WWOX: variants seen among roughly 807,000 people sequenced by gnomAD.
WWOX encodes the protein WW domain-containing oxidoreductase.
WWOX carries 69 observed loss-of-function variants against 46.2 expected under a neutral mutation model. The ratio of observed to expected loss-of-function variants is 1.49; its 90% CI spans 1.23 to 1.82. The LOEUF is 1.82. Ranked by LOEUF, WWOX falls within the 40% of genes most tolerant of loss-of-function variation. WWOX has a pLI of 0.00. For missense variants in WWOX, 919 were observed against 542.6 expected, an observed-to-expected ratio of 1.69 and a Z score of -6.89; for synonymous variants, 359 against 202.6, an observed-to-expected ratio of 1.77 and a Z score of -6.56.
chr16:78,310,197 T>G (rs1033667804), intron 5 of WWOX, among the ~76,000 whole-genome samples: 3 of 152,160 alleles, frequency 2.0e-5, no homozygotes, highest in Non-Finnish European at 4.4e-5. Flanking sequence ...GAACATTTAT[T>G]GTGTTTCCTT....
At chr16:78,714,158 C>G (rs913267776) in intron 8 of WWOX, among the ~76,000 whole-genome samples, 2 of 152,172 alleles carry the variant, frequency 1.3e-5, no homozygotes, top group Non-Finnish European at 2.9e-5. Flanking sequence ...GATGTACTGT[C>G]ATTTCTTCAA....
intron 8 of WWOX, among the ~76,000 whole-genome samples, chr16:78,814,862 C>T (rs1310221670): frequency 2.6e-5 from 4 of 152,222 alleles, no homozygotes; most frequent in Non-Finnish European, 4.4e-5. Context: ...TGGGCTCTCT[C>T]GCGTGCGGTC....
intron 8 of WWOX, among the ~76,000 whole-genome samples, chr16:79,132,232 C>A (rs1324250013): frequency 6.6e-6 from 1 of 151,960 alleles, no homozygotes; most frequent in Non-Finnish European, 1.5e-5. Flanking sequence ...GCTGCTGGAA[C>A]TTTAGTTGAC....
At chr16:78,110,505 T>C (rs1431231930) in intron 3 of WWOX, among the ~76,000 whole-genome samples, 1 of 152,216 alleles carries the variant, frequency 6.6e-6, no homozygotes, top group Non-Finnish European at 1.5e-5. Flanking sequence ...TATACTATAA[T>C]TTATCAAATT....
In WWOX at chr16:78,329,538, A is replaced by T. The variant is rs139008328; in HGVS notation, c.517-57322A>T. 2.5e-3 allele frequency among the ~76,000 whole-genome samples: 377 copies of T among 152,274 alleles called. 2 individuals carry two copies. The highest frequency in any genetic ancestry group is 8.5e-3 in the African/African-American group (354 of 41,566). The stretch of plus-strand genomic sequence containing the variant: ...TTGGGTAGGTGTGTGACTGTGGCCT[A>T]TGAGGCCAAGTTGCAAGGTCTTTGG... On this transcript the variant is annotated intron_variant, in intron 5 of 8. Coordinates refer to ENST00000566780, the MANE Select transcript of WWOX (RefSeq NM_016373.4).
chr16:78,668,832 C>T (rs1285890406), intron 8 of WWOX, among the ~76,000 whole-genome samples: 1 of 152,182 alleles, frequency 6.6e-6, no homozygotes, highest in Non-Finnish European at 1.5e-5. Flanking sequence ...CAGAGCGTGT[C>T]TGAGTCTTCC....
At chr16:79,138,003 G>T (rs539483376) in intron 8 of WWOX, among the ~76,000 whole-genome samples, 1 of 152,264 alleles carries the variant, frequency 6.6e-6, no homozygotes, top group African/African-American at 2.4e-5. Context: ...TACATTCCAA[G>T]GAAGGGAAAT....
chr16:78,127,319 G>T (rs1045349952), intron 4 of WWOX, among the ~76,000 whole-genome samples: 2 of 152,064 alleles, frequency 1.3e-5, no homozygotes, highest in African/African-American at 4.8e-5. Flanking sequence ...AGTTACCAGT[G>T]AAATTAGTTT....
intron 5 of WWOX, among the ~76,000 whole-genome samples, chr16:78,204,214 C>T (rs371691951): frequency 6.6e-6 from 1 of 152,126 alleles, no homozygotes; most frequent in African/African-American, 2.4e-5. Context: ...TGGGCAGACC[C>T]TCCAGCCTTT....
At chr16:78,689,036 C>G (rs895901873) in intron 8 of WWOX, among the ~76,000 whole-genome samples, 2 of 152,154 alleles carry the variant, frequency 1.3e-5, no homozygotes, top group African/African-American at 4.8e-5. Flanking sequence ...AATTGTGAGT[C>G]AGTTAAATCT....
chr16:78,411,312 T>C lies in WWOX; in HGVS notation c.606-13558T>C, dbSNP rs146332537. 9.8e-5 allele frequency among the ~76,000 whole-genome samples: 15 copies of C among 152,320 alleles called. No individual in the cohort carries two copies. In the East Asian group the frequency reaches 2.9e-3, roughly 29 times the overall value. ...TGCTTCTTTTTAATGTTGAGTAATATGCCATTGTGTGTTTATATATTGCTA... is the reference window on the plus strand; with the variant it reads ...TGCTTCTTTTTAATGTTGAGTAATACGCCATTGTGTGTTTATATATTGCTA... On this transcript the variant is annotated intron_variant, in intron 6 of 8. Transcript: ENST00000566780.
chr16:78,925,341 C>G (rs554288185), intron 8 of WWOX, among the ~76,000 whole-genome samples: 2 of 151,980 alleles, frequency 1.3e-5, no homozygotes, highest in African/African-American at 2.4e-5. Context: ...ACACAGAGTT[C>G]TAAAATGGCA....
At chr16:78,670,851 G>T (rs1478987437) in intron 8 of WWOX, among the ~76,000 whole-genome samples, 1 of 151,978 alleles carries the variant, frequency 6.6e-6, no homozygotes, top group Admixed American at 6.6e-5. Context: ...AATAAAGATA[G>T]AGATGTGAAT....
intron 8 of WWOX, among the ~76,000 whole-genome samples, chr16:79,168,264 C>A (rs148290645): frequency 5.3e-4 from 80 of 152,244 alleles, no homozygotes; most frequent in African/African-American, 1.9e-3. Flanking sequence ...ATTGCTGGGT[C>A]ATATGATCAG....
chr16:78,540,800 C>T (rs574117110), intron 8 of WWOX, among the ~76,000 whole-genome samples: 1 of 152,162 alleles, frequency 6.6e-6, no homozygotes, highest in African/African-American at 2.4e-5. Flanking sequence ...GATCTTCCCA[C>T]CTCAGCCTGA....
chr16:78,531,772 C>G (rs1480133891), intron 8 of WWOX, among the ~76,000 whole-genome samples: 1 of 152,110 alleles, frequency 6.6e-6, no homozygotes, highest in East Asian at 1.9e-4. Flanking sequence ...ACAGGAGAAT[C>G]ACTTGAACTC....
intron 5 of WWOX, among the ~76,000 whole-genome samples, chr16:78,211,659 C>G (rs1437876766): frequency 6.6e-6 from 1 of 152,276 alleles, no homozygotes; most frequent in African/African-American, 2.4e-5. Context: ...TGTGCTAACT[C>G]TGTTACCAAC....
intron 8 of WWOX, among the ~76,000 whole-genome samples, chr16:78,593,468 C>G (rs2045399202): frequency 6.6e-6 from 1 of 152,198 alleles, no homozygotes; most frequent in East Asian, 1.9e-4. Flanking sequence ...ATCACAAAAT[C>G]AAAACCATTC....
intron 8 of WWOX, among the ~76,000 whole-genome samples, chr16:79,069,692 GT>G (rs2048512417): frequency 6.6e-6 from 1 of 152,094 alleles, no homozygotes; most frequent in African/African-American, 2.4e-5. Context: ...CAAATAGAAA[GT>G]AGCAGTCAAT....
Sources: allele counts gnomAD v4.1 joint callset (sites outside exome capture counted in the v4.1 genomes callset), GRCh38; gene constraint gnomAD v4.1.1; transcripts MANE v1.5; gene names NCBI Gene and HGNC (gene_info 2026-07-23, HGNC 2026-07-21).